SACS: variants seen among roughly 807,000 people sequenced by gnomAD.
SACS encodes the protein sacsin.
Under a neutral mutation model 348.0 loss-of-function variants are expected in SACS, and 197 were observed. The ratio of observed to expected loss-of-function variants is 0.57; its 90% CI spans 0.50 to 0.64. SACS has a LOEUF of 0.64. Among genes scored for constraint, SACS ranks in the 30% least tolerant of loss-of-function variants. SACS has a pLI of 0.00. For missense variants in SACS, 4,999 were observed against 5,360.8 expected, an observed-to-expected ratio of 0.93 and a Z score of 2.11; for synonymous variants, 1,985 against 1,910.6, an observed-to-expected ratio of 1.04 and a Z score of -1.02.
At chr13:23,416,512 C>T (rs1039106068) in intron 1 of SACS, among the ~76,000 whole-genome samples, 2 of 152,112 alleles carry the variant, frequency 1.3e-5, no homozygotes, top group African/African-American at 4.8e-5. Flanking sequence ...AATCCTAGCA[C>T]TTTGGGAGGC....
chr13:23,427,906 T>C (rs1874255957), intron 1 of SACS: 1 of 152,246 alleles, frequency 6.6e-6, no homozygotes, highest in African/African-American at 2.4e-5. Flanking sequence ...ACGAATACTC[T>C]ATCTCCTCTG....
In SACS at chr13:23,353,907, A is replaced by T. The variant is rs369685767; in HGVS notation, c.2094-31T>A. ...AAGGGAAAGGAACAGCAATCATCAT[A>T]ATCTTCCCACAATTCCAAGATTTTA... On this transcript the variant is annotated intron_variant, in intron 8 of 9. Coordinates refer to ENST00000382292, the MANE Select transcript of SACS (RefSeq NM_014363.6). 97 of 1,187,028 alleles carry T rather than the reference A, an allele frequency of 8.2e-5. No homozygotes were observed. The African/African-American group carries it at 1.2e-3, about 14-fold the overall frequency. The allele number at this position is 1,187,028 out of a possible 1,614,324, so 73.5% of individuals were successfully genotyped here. A position where few individuals can be genotyped will look rare whatever the true frequency, so the allele number is the denominator to read the frequency against.
chr13:23,331,640 A>G lies in SACS; in HGVS notation c.12236T>C (p.Phe4079Ser). The G allele has an allele frequency of 6.2e-7, 1 of 1,613,974 alleles. No homozygotes were observed. The highest frequency in any genetic ancestry group is 8.5e-7 in the Non-Finnish European group (1 of 1,179,928). ...GTAGAGCAAGATGACTGCATTACCA[A>G]ATCGCTTCAAAAAAGCAAAAGTTTC... ...RSETFAFLKR[F>S]GNAVILLYIQ... Residue 4079 changes from phenylalanine (F) to serine (S), a missense_variant, in exon 10 of 10, where the codon TTT becomes TCT. This residue lies in a region of SACS where 831 missense variants were observed against 941.8 expected (regional missense o/e 0.88). Transcript: ENST00000382292.
chr13:23,330,871 T>A lies in SACS; in HGVS notation c.13005A>T (p.Lys4335Asn). The A allele has an allele frequency of 6.2e-7, 1 of 1,614,116 alleles. No homozygotes were observed. The highest frequency in any genetic ancestry group is 8.5e-7 in the Non-Finnish European group (1 of 1,180,014). The change falls in exon 10 of 10, where the codon AAA (lysine) becomes AAT (asparagine). Residue 4335 changes from lysine to asparagine, a missense_variant. Lys to Asn is a moderately conservative substitution (Grantham distance 94). Coordinates refer to ENST00000382292, the MANE Select transcript of SACS (RefSeq NM_014363.6). ...TCTCTGGATTTTTGTCAGGATGCCA[T>A]TTCAAATACAACCGCCTAATAATCT... ...RKKIIRRLYL[K>N]WHPDKNPENH...
At position 23,332,607 on chromosome 13, in the gene SACS, T is replaced by C; in HGVS notation, c.11269A>G (p.Asn3757Asp). The stretch of plus-strand genomic sequence containing the variant: ...ATTTCTTCATCCAACGTCGTTATGT[T>C]GCATATGTTTCTGCAGTTATTGATT... Reference protein sequence around the residue: ...KVINNCRNICNITTLDEEMVK... With the variant: ...KVINNCRNICDITTLDEEMVK... Residue 3757 changes from asparagine to aspartate, a missense_variant, in exon 10 of 10, where the codon AAC becomes GAC. Around this residue, in one of 6 missense-constraint regions of SACS, gnomAD observed 831 missense variants for 941.8 expected, o/e 0.88. Coordinates refer to ENST00000382292, the MANE Select transcript of SACS (RefSeq NM_014363.6). 1.2e-6 allele frequency: 2 copies of C among 1,613,726 alleles called. No homozygotes were observed. The highest frequency in any genetic ancestry group is 1.7e-6 in the Non-Finnish European group (2 of 1,179,922).
In SACS at chr13:23,335,593, C is replaced by T. The variant is rs750602727; in HGVS notation, c.8283G>A (p.Val2761=). ...EIDKSTGALN[V]LYSVKGKITD... ...TGATTTTGCCCTTTACTGAATACAG[C>T]ACATTTAGAGCTCCAGTACTCTTAT... Residue 2761 remains valine (V), a synonymous_variant, in exon 10 of 10, where the codon GTG becomes GTA. Coordinates refer to ENST00000382292, the MANE Select transcript of SACS (RefSeq NM_014363.6). The surrounding 1 kb of genome is among the most constrained non-coding windows in gnomAD (Gnocchi z 4.7). 13 of 1,613,704 alleles carry T rather than the reference C, an allele frequency of 8.1e-6. No individual in the cohort carries two copies. The highest frequency in any genetic ancestry group is 1.1e-5 in the Non-Finnish European group (13 of 1,179,894).
At position 23,331,848 on chromosome 13, in the gene SACS, G is replaced by A. The variant is rs148297332; in HGVS notation, c.12028C>T (p.Gln4010Ter). ...GRLQLLLSSE[Q>*]FITGLIRIMK... The stretch of plus-strand genomic sequence containing the variant: ...ATTCTAATCAGTCCTGTAATGAACT[G>A]TTCAGAAGACAAGAGTAACTGCAAT... Residue 4010 changes from glutamine (Q) to a stop codon, truncating the protein, a stop_gained, in exon 10 of 10, where the codon CAG becomes TAG. Transcript: ENST00000382292. LOFTEE classifies it high-confidence loss of function. 2.5e-6 allele frequency: 4 copies of A among 1,613,964 alleles called. No individual in the cohort carries two copies. The highest frequency in any genetic ancestry group is 3.4e-6 in the Non-Finnish European group (4 of 1,179,930).
chr13:23,371,097 T>C lies in SACS; in HGVS notation c.240A>G (p.Ser80=). 6.2e-7 allele frequency: 1 copy of C among 1,606,858 alleles called. No homozygotes were observed. The highest frequency in any genetic ancestry group is 8.5e-7 in the Non-Finnish European group (1 of 1,173,634). Residue 80 remains serine, a synonymous_variant, in exon 4 of 10, where the codon TCA becomes TCG. Transcript: ENST00000382292. The part of the protein sequence containing the change: ...KNCHLFVNLQ[S]KGLKGGGRFG... Reference sequence around the variant, plus strand: ...TTATACCTCCCCCTTTTAAGCCTTTTGATTGAAGGTTTACAAAAAGATGAC... The same window carrying C: ...TTATACCTCCCCCTTTTAAGCCTTTCGATTGAAGGTTTACAAAAAGATGAC...
intron 2 of SACS, among the ~76,000 whole-genome samples, chr13:23,405,459 A>G (rs1448676025): frequency 6.6e-6 from 1 of 152,222 alleles, no homozygotes; most frequent in Non-Finnish European, 1.5e-5. Flanking sequence ...AAATCCTAGA[A>G]TACCTAGGCA....
chr13:23,352,718 G>A (rs1352069256), intron 9 of SACS, among the ~76,000 whole-genome samples: 1 of 152,078 alleles, frequency 6.6e-6, no homozygotes, highest in East Asian at 1.9e-4. Context: ...CTTTCAAAAA[G>A]GTTGTTTTGA....
chr13:23,397,226 G>A (rs1400802124), intron 2 of SACS, among the ~76,000 whole-genome samples: 1 of 152,060 alleles, frequency 6.6e-6, no homozygotes, highest in Non-Finnish European at 1.5e-5. Flanking sequence ...ATAAGGGTGA[G>A]GTGAAACAAC....
Position 23,337,624 on chromosome 13 carries a change from T to G in SACS, c.6252A>C (p.Lys2084Asn). Residue 2084 changes from lysine to asparagine, a missense_variant, in exon 10 of 10, where the codon AAA (lysine) becomes AAC (asparagine). This residue lies in a region of SACS where 3,156 missense variants were observed against 3,380.1 expected (regional missense o/e 0.93). Transcript: ENST00000382292. ...GAAGAACTCCCGAGAACTCATCAAC[T>G]TTTTCATTTAGAACAAAGATCATTA... ...DPLMIFVLNE[K>N]VDEFSGVLRV... 1 of 1,613,830 alleles carries G rather than the reference T, an allele frequency of 6.2e-7. No individual in the cohort carries two copies. The highest frequency in any genetic ancestry group is 8.5e-7 in the Non-Finnish European group (1 of 1,179,944).
intron 2 of SACS, among the ~76,000 whole-genome samples, chr13:23,384,617 G>A (rs1348017925): frequency 6.6e-6 from 1 of 152,146 alleles, no homozygotes; most frequent in East Asian, 1.9e-4. Flanking sequence ...ATTTTTCAAA[G>A]CCTAAGGAAG....
At position 23,355,234 on chromosome 13, in the gene SACS, G is replaced by A. The variant is rs145213666; in HGVS notation, c.1378C>T (p.Leu460Phe). The A allele has an allele frequency of 1.6e-4, 264 of 1,614,186 alleles. 2 individuals carry two copies. The African/African-American group carries it at 3.1e-3, about 19-fold the overall frequency. The part of the protein sequence containing the change: ...LPPGEESSTG[L>F]PVHISGFFGL... The stretch of plus-strand genomic sequence containing the variant: ...AAGAACCCACTGATGTGAACTGGGA[G>A]GCCTGTGCTGCTTTCCTCACCAGGT... Residue 460 changes from leucine to phenylalanine, a missense_variant, in exon 8 of 10, where the codon CTC becomes TTC. Transcript: ENST00000382292.
chr13:23,384,241 C>T (rs1201109726), intron 2 of SACS, among the ~76,000 whole-genome samples: 1 of 152,240 alleles, frequency 6.6e-6, no homozygotes, highest in African/African-American at 2.4e-5. Flanking sequence ...CTTCCGCCTT[C>T]GTAGACATCT....
chr13:23,338,334 C>T lies in SACS; in HGVS notation c.5542G>A (p.Ala1848Thr). The change falls in exon 10 of 10, where the codon GCA (alanine) becomes ACA (threonine). Residue 1848 changes from alanine to threonine, a missense_variant. Ala to Thr is a moderately conservative substitution (Grantham distance 58). This residue lies in a region of SACS where 3,156 missense variants were observed against 3,380.1 expected (regional missense o/e 0.93). Coordinates refer to ENST00000382292, the MANE Select transcript of SACS (RefSeq NM_014363.6). ...ATTTCTGACAGCTGAACTCCTACTG[C>T]CCCACATGGAACCAGTCCTAGTCTT... ...GRRLGLVPCGAVGVQLSEIQD... is the reference protein window; with the variant it reads ...GRRLGLVPCGTVGVQLSEIQD... The T allele has an allele frequency of 6.2e-7, 1 of 1,614,106 alleles. No individual in the cohort carries two copies. Among genetic ancestry groups the T allele is most frequent in the Non-Finnish European group, 8.5e-7 (1 of 1,179,986 alleles).
At chr13:23,399,640 C>T (rs1671775333) in intron 2 of SACS, among the ~76,000 whole-genome samples, 1 of 152,074 alleles carries the variant, frequency 6.6e-6, no homozygotes, top group Admixed American at 6.5e-5. Flanking sequence ...GGATGAAACC[C>T]CCTTCCCTCC....
intron 9 of SACS, among the ~76,000 whole-genome samples, chr13:23,346,044 G>A (rs551267840): frequency 2.6e-5 from 4 of 152,210 alleles, no homozygotes; most frequent in Middle Eastern, 3.4e-3. Flanking sequence ...GTCACCAACC[G>A]TAGCACACTG....
At chr13:23,375,320 C>T (rs1871692586) in intron 2 of SACS, 51 bp from the exon 3 acceptor site, 1 of 1,362,204 alleles carries the variant, frequency 7.3e-7, no homozygotes, top group East Asian at 3.2e-5. Flanking sequence ...CACCCGCCCG[C>T]CCAGCGCCCG....
Sources: allele counts gnomAD v4.1 joint callset (sites outside exome capture counted in the v4.1 genomes callset), GRCh38; gene constraint gnomAD v4.1.1; regional missense constraint gnomAD v4.1.1; non-coding constraint Gnocchi (gnomAD v3.1); transcripts MANE v1.5; gene names NCBI Gene and HGNC (gene_info 2026-07-23, HGNC 2026-07-21).